The following PRRC2C variants were observed in gnomAD, a reference collection of about 807,000 sequenced individuals.
PRRC2C encodes the protein protein PRRC2C.
Under a neutral mutation model 317.2 loss-of-function variants are expected in PRRC2C, and 72 were observed. That is an observed-to-expected ratio of 0.23 (90% CI 0.19 to 0.28). The LOEUF is 0.28. Among genes scored for constraint, PRRC2C ranks in the 10% least tolerant of loss-of-function variants. The probability of loss-of-function intolerance (pLI) is 1.00; values close to 1 mark genes in which losing one functional copy is unlikely to be tolerated. For missense variants in PRRC2C, 3,074 were observed against 3,459.7 expected (o/e 0.89, Z 2.80); for synonymous variants, 1,296 against 1,205.9 (o/e 1.07, Z -1.55).
Position 171,495,452 on chromosome 1 carries a change from A to G in PRRC2C, c.-58+9717A>G, listed in dbSNP as rs190438114. Among the ~76,000 whole-genome samples the G allele has an allele frequency of 2.5e-4, 38 of 152,316 alleles. 2 individuals are homozygous for G. The East Asian group carries it at 7.1e-3, about 29-fold the overall frequency. ...TACTTTCCAAGTCTTTATTCAAGTTATTGACATGGAAAAGGACAGGGTCCA... is the reference window on the plus strand; with the variant it reads ...TACTTTCCAAGTCTTTATTCAAGTTGTTGACATGGAAAAGGACAGGGTCCA... On this transcript the variant is annotated intron_variant, in intron 1 of 34. Transcript: ENST00000647382.
chr1:171,547,914 A>T (rs556226897), intron 17 of PRRC2C, among the ~76,000 whole-genome samples: 1 of 152,094 alleles, frequency 6.6e-6, no homozygotes, highest in Admixed American at 6.5e-5. Context: ...TGGCCTCCCA[A>T]AGTGCTGGGA....
rs1203579170 is a variant in PRRC2C at position 171,541,990 on chromosome 1, TGA to T, written c.4528_4529del (p.Arg1510AlafsTer5). 6.2e-7 allele frequency: 1 copy of T among 1,613,518 alleles called. No homozygotes were observed. On this transcript the variant is annotated frameshift_variant, in exon 16 of 35. Coordinates refer to ENST00000647382, the MANE Select transcript of PRRC2C (RefSeq NM_001387844.1). LOFTEE classifies it high-confidence loss of function. The surrounding 1 kb of genome is among the most constrained non-coding windows in gnomAD (Gnocchi z 4.1). Reference sequence around the variant, plus strand: ...CAGCTTCTGAAAGCAGTGATTTCAATGAGAGGCGAGAGAGGGATGAAAAAAAA... The same window carrying T: ...CAGCTTCTGAAAGCAGTGATTTCAATGAGGCGAGAGAGGGATGAAAAAAAA... ...ETASESSDFNERRERDEKKNA... is the reference protein window; with the variant it reads ...ETASESSDFNXRRERDEKKNA...
At chr1:171,556,008 C>T (rs1681302773) in intron 18 of PRRC2C, among the ~76,000 whole-genome samples, 1 of 152,180 alleles carries the variant, frequency 6.6e-6, no homozygotes, top group Admixed American at 6.5e-5. Flanking sequence ...TTTTGTTCAG[C>T]TATGCCCTGC....
intron 24 of PRRC2C, among the ~76,000 whole-genome samples, chr1:171,573,524 AAAAAG>A (rs1311983725): frequency 6.6e-6 from 1 of 152,138 alleles, no homozygotes; most frequent in Non-Finnish European, 1.5e-5. Flanking sequence ...TGATTTTGAG[AAAAAG>A]AAAAGATTTC....
intron 18 of PRRC2C, among the ~76,000 whole-genome samples, chr1:171,552,902 A>T (rs1199824333): frequency 3.9e-5 from 6 of 152,158 alleles, no homozygotes; most frequent in African/African-American, 1.4e-4. Flanking sequence ...AATGTTCATC[A>T]GGGATATTGG....
At chr1:171,576,882 T>A (rs1473400130) in intron 25 of PRRC2C, among the ~76,000 whole-genome samples, 2 of 152,110 alleles carry the variant, frequency 1.3e-5, no homozygotes, top group Admixed American at 1.3e-4. Context: ...AGAGACAGGA[T>A]CTTACAATGT....
intron 30 of PRRC2C, among the ~76,000 whole-genome samples, chr1:171,585,014 C>T (rs1015625939): frequency 1.3e-4 from 20 of 152,070 alleles, no homozygotes; most frequent in African/African-American, 4.3e-4. Context: ...TGGTTTCAAG[C>T]GATCTGCCTG....
chr1:171,585,037 A>G (rs1649543577), intron 30 of PRRC2C, among the ~76,000 whole-genome samples: 1 of 151,998 alleles, frequency 6.6e-6, no homozygotes, highest in Non-Finnish European at 1.5e-5. Flanking sequence ...TCGGCCTTCC[A>G]AAGTGTTGGG....
intron 1 of PRRC2C, 102 bp from the exon 2 acceptor site, chr1:171,511,930 A>G (rs1298952973): frequency 6.0e-6 from 3 of 502,052 alleles, no homozygotes; most frequent in South Asian, 2.4e-5. Flanking sequence ...AAAAAGTTCT[A>G]TGAAATTATC....
At chr1:171,491,022 A>C (rs548153764) in intron 1 of PRRC2C, among the ~76,000 whole-genome samples, 1 of 152,322 alleles carries the variant, frequency 6.6e-6, no homozygotes, top group South Asian at 2.1e-4. Flanking sequence ...ATGTATTTCT[A>C]TATATCTTCT....
intron 6 of PRRC2C, among the ~76,000 whole-genome samples, chr1:171,521,343 A>G (rs569403385): frequency 1.3e-5 from 2 of 152,352 alleles, no homozygotes; most frequent in South Asian, 4.1e-4. Flanking sequence ...TCAAAATCAT[A>G]GGATGAATCC....
chr1:171,503,523 C>CA (rs796466638), intron 1 of PRRC2C, among the ~76,000 whole-genome samples: 1,291 of 126,314 alleles, frequency 0.01, 15 homozygotes, highest in African/African-American at 0.029. Context: ...GACTCCATCT[C>CA]AAAAAAAAAA....
intron 20 of PRRC2C, among the ~76,000 whole-genome samples, chr1:171,562,041 G>A (rs562543749): frequency 3.3e-5 from 5 of 152,150 alleles, no homozygotes; most frequent in Non-Finnish European, 5.9e-5. Flanking sequence ...GGAGAAAAAC[G>A]AAGCAGGAAA....
At chr1:171,502,786 C>T (rs1423108544) in intron 1 of PRRC2C, among the ~76,000 whole-genome samples, 2 of 152,110 alleles carry the variant, frequency 1.3e-5, no homozygotes, top group African/African-American at 2.4e-5. Context: ...TGCAAAGGCT[C>T]GATCTTGGCT....
Position 171,561,058 on chromosome 1 carries a change from A to G in PRRC2C, c.6072A>G (p.Ala2024=), listed in dbSNP as rs745357194. 1.9e-6 allele frequency: 3 copies of G among 1,608,872 alleles called. No homozygotes were observed. Among genetic ancestry groups the G allele is most frequent in the South Asian group, 1.1e-5 (1 of 90,980 alleles). The change falls in exon 20 of 35, where the codon GCA becomes GCG. Residue 2024 remains alanine (A), a synonymous_variant. Transcript: ENST00000647382. ...ISPPQPPSVS[A]WNKPLTSFGS... is the part of the protein sequence containing the mutation. ...CACCACAGCCACCTTCAGTCAGTGCATGGAATAAGCCCTTAACATCGTTTG... is the reference window on the plus strand; with the variant it reads ...CACCACAGCCACCTTCAGTCAGTGCGTGGAATAAGCCCTTAACATCGTTTG...
At chr1:171,564,451 T>C (rs138449747) in intron 20 of PRRC2C, among the ~76,000 whole-genome samples, 1 of 152,372 alleles carries the variant, frequency 6.6e-6, no homozygotes, top group East Asian at 1.9e-4. Flanking sequence ...CTTACTGCAT[T>C]ATTTTCTTTT....
intron 1 of PRRC2C, among the ~76,000 whole-genome samples, chr1:171,486,508 TC>T (rs1288378415): frequency 6.6e-6 from 1 of 150,984 alleles, no homozygotes; most frequent in Admixed American, 6.6e-5. Flanking sequence ...GATAGAGTCT[TC>T]CTTCCTTTGC....
In PRRC2C at chr1:171,493,493, A is replaced by G. The variant is rs537474113; in HGVS notation, c.-58+7758A>G. On this transcript the variant is annotated intron_variant, in intron 1 of 34. Coordinates refer to ENST00000647382, the MANE Select transcript of PRRC2C (RefSeq NM_001387844.1). ...GGGTGACAGAGTAAAACTGTTGAAA[A>G]GGAAAATAATAAATAAAGGTTGACT... 9.7e-4 allele frequency among the ~76,000 whole-genome samples: 148 copies of G among 152,304 alleles called. No individual in the cohort carries two copies. In the South Asian group the frequency reaches 0.01, roughly 11 times the overall value.
At chr1:171,512,263 C>T in intron 2 of PRRC2C, 63 bp downstream of exon 2, 3 of 1,168,480 alleles carry the variant, frequency 2.6e-6, no homozygotes, top group South Asian at 1.3e-5. Context: ...AAGTGATACA[C>T]CTGCTGCTAT....
Sources: allele counts gnomAD v4.1 joint callset (sites outside exome capture counted in the v4.1 genomes callset), GRCh38; gene constraint gnomAD v4.1.1; non-coding constraint Gnocchi (gnomAD v3.1); transcripts MANE v1.5; gene names NCBI Gene and HGNC (gene_info 2026-07-23, HGNC 2026-07-21).